Variants in GUSB observed in about 807,000 individuals in gnomAD.
GUSB encodes the protein beta-glucuronidase.
A neutral mutation model predicts 74.6 loss-of-function variants in GUSB; 51 were observed. That is an observed-to-expected ratio of 0.68 (90% CI 0.55 to 0.86). The LOEUF (loss-of-function observed/expected upper bound fraction) is 0.86, where lower values mean the gene tolerates loss of function less well. GUSB is among the 40% of genes least tolerant of loss of function. The pLI, the probability that GUSB is intolerant of heterozygous loss-of-function variation, is 0.00. For synonymous variants in GUSB, 360 were observed against 348.3 expected (o/e 1.03, Z -0.37); for missense variants, 736 against 853.7 (o/e 0.86, Z 1.72).
In GUSB at chr7:65,981,673, C is replaced by CA. The variant is rs1193138183; in HGVS notation, c.210+300dup. Reference sequence around the variant, plus strand: ...TGGGAAACAGGTGCAAACCCAGTCTCAAAAAAATTTTTAAAAATTAAAAAT... The same window carrying CA: ...TGGGAAACAGGTGCAAACCCAGTCTCAAAAAAAATTTTTAAAAATTAAAAAT... On this transcript the variant is annotated intron_variant, in intron 1 of 11. Coordinates refer to ENST00000304895, the MANE Select transcript of GUSB (RefSeq NM_000181.4). 1.9e-3 allele frequency among the ~76,000 whole-genome samples: 284 copies of CA among 152,038 alleles called. 3 individuals carry two copies. The highest frequency in any genetic ancestry group is 6.7e-3 in the African/African-American group (277 of 41,504).
chr7:65,979,708 G>T lies in GUSB; in HGVS notation c.581+19C>A. ...GGCGGGAAGGTGGGTGTGTGCAATG[G>T]AGGCAGGATGGTACCCACTTGGAGG... On this transcript the variant is annotated intron_variant, in intron 3 of 11. Coordinates refer to ENST00000304895, the MANE Select transcript of GUSB (RefSeq NM_000181.4). 6.2e-7 allele frequency: 1 copy of T among 1,612,152 alleles called. No individual in the cohort carries two copies. The highest frequency in any genetic ancestry group is 8.5e-7 in the Non-Finnish European group (1 of 1,178,570).
chr7:65,968,807 G>A (rs553901357), intron 9 of GUSB, among the ~76,000 whole-genome samples: 1 of 152,044 alleles, frequency 6.6e-6, no homozygotes, highest in East Asian at 1.9e-4. Flanking sequence ...GGCTGGTCTT[G>A]AACTCCTGAT....
intron 11 of GUSB, among the ~76,000 whole-genome samples, chr7:65,963,765 T>TG (rs1790654831): frequency 6.6e-6 from 1 of 152,060 alleles, no homozygotes; most frequent in African/African-American, 2.4e-5. Context: ...AGGCTGGTCT[T>TG]GAACTCCTGG....
At chr7:65,961,567 G>A (rs1171872613) in intron 11 of GUSB, among the ~76,000 whole-genome samples, 1 of 152,046 alleles carries the variant, frequency 6.6e-6, no homozygotes, top group Non-Finnish European at 1.5e-5. Flanking sequence ...AGTCTGTTAG[G>A]GGAAAAAAAC....
Position 65,967,787 on chromosome 7 carries a change from G to C in GUSB, c.1597C>G (p.Gln533Glu). ...TQFENWYKKY[Q>E]KPIIQSEYGA... ...TACTCGCTCTGAATAATGGGCTTCT[G>C]ATACTTCTTATACCAGTTCTCAAAC... The change falls in exon 10 of 12, where the codon CAG becomes GAG. Residue 533 changes from glutamine to glutamate, a missense_variant. By Grantham distance (29) the Gln-to-Glu change is conservative. Around this residue, in one of 2 missense-constraint regions of GUSB, gnomAD observed 368 missense variants for 489.9 expected, o/e 0.75. Transcript: ENST00000304895. 6.2e-7 allele frequency: 1 copy of C among 1,613,268 alleles called. No homozygotes were observed. Among genetic ancestry groups the C allele is most frequent in the East Asian group, 2.2e-5 (1 of 44,890 alleles).
intron 2 of GUSB, 39 bp downstream of exon 2, chr7:65,980,185 G>GAAC: frequency 2.8e-6 from 2 of 725,274 alleles, no homozygotes; most frequent in South Asian, 1.5e-5. Context: ...CAGCAGCCGT[G>GAAC]CCCCCCCACC....
chr7:65,974,244 C>G (rs911843328), intron 8 of GUSB, 51 bp downstream of exon 8: 16 of 1,599,978 alleles, frequency 1.0e-5, no homozygotes, highest in Non-Finnish European at 1.4e-5. Context: ...GGCCAGCCAC[C>G]TGCCAGGGTC....
rs951115772 is a variant in GUSB at position 65,960,850 on chromosome 7, C to T, written c.*47G>A. The T allele has an allele frequency of 1.4e-5, 22 of 1,526,438 alleles. No individual in the cohort carries two copies. In the Admixed American group the frequency reaches 3.2e-4, roughly 22 times the overall value. The allele number at this position is 1,526,438 out of a possible 1,614,324, so 94.6% of individuals were successfully genotyped here. A position where few individuals can be genotyped will look rare whatever the true frequency, so the allele number is the denominator to read the frequency against. ...GCACTTGTTCTGCTGCTGTGGAAGT[C>T]GCCCTGACTCGGGGAGGAAGGGACA... On this transcript the variant is annotated 3_prime_UTR_variant, in exon 12 of 12. Transcript: ENST00000304895.
intron 10 of GUSB, among the ~76,000 whole-genome samples, chr7:65,966,338 T>C (rs568964366): frequency 1.3e-5 from 2 of 152,248 alleles, no homozygotes; most frequent in South Asian, 2.1e-4. Flanking sequence ...TGGGTGGCTG[T>C]TCCCTGTGTG....
Position 65,982,020 on chromosome 7 carries a change from C to T in GUSB, c.164G>A (p.Arg55Gln). Residue 55 changes from arginine (R) to glutamine (Q), a missense_variant, in exon 1 of 12, where the codon CGA becomes CAA. Around this residue, in one of 2 missense-constraint regions of GUSB, gnomAD observed 368 missense variants for 363.8 expected, o/e 1.01. Transcript: ENST00000304895. The stretch of plus-strand genomic sequence containing the variant: ...CCACTGCTCCTCGAAGCCCCGGCGT[C>T]GGTTGTCAGAGAAGTCGGCGCGGAA... ...WSFRADFSDN[R>Q]RRGFEEQWYR... 6.2e-7 allele frequency: 1 copy of T among 1,610,338 alleles called. No homozygotes were observed.
At chr7:65,969,350 GC>G (rs996172739) in intron 9 of GUSB, among the ~76,000 whole-genome samples, 2 of 152,060 alleles carry the variant, frequency 1.3e-5, no homozygotes, top group Non-Finnish European at 2.9e-5. Flanking sequence ...TTTCACTCAA[GC>G]CTGGGCAACA....
At chr7:65,977,176 C>T (rs755747496) in intron 4 of GUSB, among the ~76,000 whole-genome samples, 7 of 152,060 alleles carry the variant, frequency 4.6e-5, no homozygotes, top group African/African-American at 1.7e-4. Flanking sequence ...GTGCATTTTG[C>T]ACTTCACTAT....
At chr7:65,966,015 A>G (rs1013295057) in intron 10 of GUSB, among the ~76,000 whole-genome samples, 1 of 152,158 alleles carries the variant, frequency 6.6e-6, no homozygotes, top group South Asian at 2.1e-4. Flanking sequence ...TACTAAAAAT[A>G]CAAAATGAGG....
intron 9 of GUSB, among the ~76,000 whole-genome samples, chr7:65,968,545 C>T (rs758014145): frequency 6.6e-6 from 1 of 152,166 alleles, no homozygotes; most frequent in Non-Finnish European, 1.5e-5. Flanking sequence ...CCTGGAGAAG[C>T]GCTGCCACCC....
intron 8 of GUSB, among the ~76,000 whole-genome samples, chr7:65,970,901 C>A (rs1418703819): frequency 2.0e-5 from 3 of 150,508 alleles, no homozygotes; most frequent in Non-Finnish European, 3.0e-5. Flanking sequence ...AACAAACAAA[C>A]AAAAACAAAG....
At chr7:65,970,919 A>G (rs1791163116) in intron 8 of GUSB, among the ~76,000 whole-genome samples, 1 of 151,914 alleles carries the variant, frequency 6.6e-6, no homozygotes, top group South Asian at 2.1e-4. Context: ...AAGGGGAAAA[A>G]AAAAAAAGCA....
chr7:65,962,870 C>CAA (rs143099285), intron 11 of GUSB, among the ~76,000 whole-genome samples: 1 of 143,372 alleles, frequency 7.0e-6, no homozygotes, highest in Admixed American at 7.1e-5. Context: ...AACTCCGTCT[C>CAA]AAAAAAAAAA....
In GUSB at chr7:65,979,817, G is replaced by A; in HGVS notation, c.491C>T (p.Ser164Phe). The A allele has an allele frequency of 6.2e-7, 1 of 1,613,786 alleles. No homozygotes were observed. Residue 164 changes from serine (S) to phenylalanine (F), a missense_variant, in exon 3 of 12, where the codon TCC becomes TTC. Ser to Phe is a radical substitution (Grantham distance 155, BLOSUM62 -2). Coordinates refer to ENST00000304895, the MANE Select transcript of GUSB (RefSeq NM_000181.4). ...SNLVQVGPLP[S>F]RLRITIAINN... The stretch of plus-strand genomic sequence containing the variant: ...GATGGCGATAGTGATTCGGAGCCGG[G>A]AGGGCAGGGGCCCCACCTGGACCAG...
intron 8 of GUSB, among the ~76,000 whole-genome samples, chr7:65,974,093 T>C (rs1225924365): frequency 1.3e-5 from 2 of 151,618 alleles, no homozygotes; most frequent in Non-Finnish European, 2.9e-5. Flanking sequence ...TGAGACTCCA[T>C]CTCAAAAAGA....
Sources: gnomAD v4.1 joint callset for allele counts (sites outside exome capture counted in the v4.1 genomes callset) on GRCh38, gnomAD v4.1.1 for gene constraint, gnomAD v4.1.1 regional missense constraint, MANE v1.5 for transcripts, NCBI Gene and HGNC (gene_info 2026-07-23, HGNC 2026-07-21) for gene names.